Variants in BANP observed in about 807,000 individuals in gnomAD.
The protein encoded by BANP is protein BANP.
A neutral mutation model predicts 68.1 loss-of-function variants in BANP; 11 were observed. That is an observed-to-expected ratio of 0.16 (90% CI 0.10 to 0.27). BANP has a LOEUF of 0.27. Ranked by LOEUF, BANP falls within the 10% of genes least tolerant of loss-of-function variation. The pLI, the probability that BANP is intolerant of heterozygous loss-of-function variation, is 1.00. For synonymous variants in BANP, 329 were observed against 303.2 expected, an observed-to-expected ratio of 1.09 and a Z score of -0.88; for missense variants, 504 against 722.7, an observed-to-expected ratio of 0.70 and a Z score of 3.47.
At chr16:88,008,014 CA>C (rs1452980743) in intron 6 of BANP, among the ~76,000 whole-genome samples, 2 of 152,176 alleles carry the variant, frequency 1.3e-5, no homozygotes, top group Non-Finnish European at 2.9e-5. Context: ...GCCCTGTGCC[CA>C]TCAACAGTCA....
chr16:88,059,535 C>T (rs531694380), intron 11 of BANP, among the ~76,000 whole-genome samples: 22 of 152,216 alleles, frequency 1.4e-4, no homozygotes, highest in Admixed American at 3.9e-4. Context: ...TTAAGGGACA[C>T]GGTTCAGGCC....
rs747053177 is a variant in BANP, at chr16:88,036,411, G to A, written c.1272+1017G>A. Among the ~76,000 whole-genome samples the A allele has an allele frequency of 2.6e-5, 4 of 152,160 alleles. No individual in the cohort carries two copies. The highest frequency in any genetic ancestry group is 4.4e-5 in the Non-Finnish European group (3 of 68,032). On this transcript the variant is annotated intron_variant, in intron 10 of 13. Transcript: ENST00000682872. The surrounding 1 kb of genome is among the most constrained non-coding windows in gnomAD (Gnocchi z 4.2). Reference sequence around the variant, plus strand: ...GGTGCAGGTGCTGTGGGGGAGCAGAGGAGAGAGAAGCCCTGCCATCGGGGA... The same window carrying A: ...GGTGCAGGTGCTGTGGGGGAGCAGAAGAGAGAGAAGCCCTGCCATCGGGGA...
Position 88,071,277 on chromosome 16 carries a change from T to A in BANP, c.1378-792T>A. ...ACCCCGTGGCTCATGTCAAGTGCCCTCAGGGCTGGGGCTGCCCACCCGCCT... is the reference window on the plus strand; with the variant it reads ...ACCCCGTGGCTCATGTCAAGTGCCCACAGGGCTGGGGCTGCCCACCCGCCT... On this transcript the variant is annotated intron_variant, in intron 12 of 13. Transcript: ENST00000682872. The surrounding 1 kb of genome is among the most constrained non-coding windows in gnomAD (Gnocchi z 6.5). The A allele has an allele frequency of 2.8e-6, 1 of 361,516 alleles. No homozygotes were observed. Among genetic ancestry groups the A allele is most frequent in the East Asian group, 7.3e-5 (1 of 13,620 alleles). The allele number at this position is 361,516 out of a possible 1,614,324, so 22.4% of individuals were successfully genotyped here.
At chr16:88,044,706 G>A (rs1292084484) in intron 11 of BANP, among the ~76,000 whole-genome samples, 1 of 152,226 alleles carries the variant, frequency 6.6e-6, no homozygotes, top group Non-Finnish European at 1.5e-5. Context: ...TATATAGGCT[G>A]GGCACGGTGG....
chr16:87,991,193 A>T (rs973750213), intron 4 of BANP, among the ~76,000 whole-genome samples: 4 of 152,240 alleles, frequency 2.6e-5, no homozygotes, highest in African/African-American at 9.6e-5. Context: ...TACAGTTTAC[A>T]TACCTACAAC....
chr16:88,063,168 C>T (rs150993647), intron 11 of BANP, among the ~76,000 whole-genome samples: 140 of 152,356 alleles, frequency 9.2e-4, no homozygotes, highest in African/African-American at 3.0e-3. Flanking sequence ...TCTCAGAGCA[C>T]GCTGTGCCTT....
rs889568896 is a variant in BANP, at chr16:87,957,044, C to G, written c.-69+5529C>G. ...GGTGTGCCGAGATACTGTGAAGTCACATGAACTTGATTCCTGTTGGAAAGA... is the reference window on the plus strand; with the variant it reads ...GGTGTGCCGAGATACTGTGAAGTCAGATGAACTTGATTCCTGTTGGAAAGA... On this transcript the variant is annotated intron_variant, in intron 1 of 13. Coordinates refer to ENST00000682872, the MANE Select transcript of BANP (RefSeq NM_001386991.1). This position sits in a 1 kb window ranked among gnomAD's most constrained non-coding sequence, Gnocchi z 4.3. 1 of 152,166 alleles carries G rather than the reference C, an allele frequency of 6.6e-6. No individual in the cohort carries two copies. The highest frequency in any genetic ancestry group is 6.5e-5 in the Admixed American group (1 of 15,282). The allele number at this position is 152,166 out of a possible 1,614,324, so 9.4% of individuals were successfully genotyped here.
chr16:88,064,634 C>T lies in BANP; in HGVS notation c.1312-633C>T, dbSNP rs1185835884. Among the ~76,000 whole-genome samples, 2 of 152,244 alleles carry T rather than the reference C, an allele frequency of 1.3e-5. No individual in the cohort carries two copies. The highest frequency in any genetic ancestry group is 3.9e-4 in the East Asian group (2 of 5,178). ...ACTCCCCGAGGAGGCCTGGGGACCC[C>T]TCCTGGACATGCCTTCCTCCCTTAA... On this transcript the variant is annotated intron_variant, in intron 11 of 13. Transcript: ENST00000682872. The surrounding 1 kb of genome is among the most constrained non-coding windows in gnomAD (Gnocchi z 4.5).
Position 87,955,107 on chromosome 16 carries a change from G to A in BANP, c.-69+3592G>A, listed in dbSNP as rs962947621. On this transcript the variant is annotated intron_variant, in intron 1 of 13. Coordinates refer to ENST00000682872, the MANE Select transcript of BANP (RefSeq NM_001386991.1). ...CTCGCTGGGTCAGTGTGCCAAGCGG[G>A]CCGTCTGCCCTGCTGGGGTCCAGGA... is the stretch of plus-strand genomic sequence containing the variant. Among the ~76,000 whole-genome samples, 2 of 152,202 alleles carry A rather than the reference G, an allele frequency of 1.3e-5. 1 individual carries two copies. The highest frequency in any genetic ancestry group is 1.3e-4 in the Admixed American group (2 of 15,280).
At position 88,033,221 on chromosome 16, in the gene BANP, C is replaced by A. The variant is rs762967618; in HGVS notation, c.1176C>A (p.Ile392=). 4 of 1,606,298 alleles carry A rather than the reference C, an allele frequency of 2.5e-6. No individual in the cohort carries two copies. The highest frequency in any genetic ancestry group is 2.6e-6 in the Non-Finnish European group (3 of 1,174,380). Residue 392 remains isoleucine, a synonymous_variant, in exon 9 of 14, where the codon ATC becomes ATA. Transcript: ENST00000682872. The part of the protein sequence containing the change: ...ANAQQVQIHQ[I]GEDGQVQVIP... ...CACAGCAGGTGCAGATCCACCAGAT[C>A]GGAGAAGACGGACAGGTGCAAGTAG...
At chr16:87,969,935 T>C (rs1315884617) in intron 1 of BANP, 1 of 141,112 alleles carries the variant, frequency 7.1e-6, no homozygotes, top group Non-Finnish European at 1.5e-5. Context: ...TTTGACAGAG[T>C]CTTGCTCTGT....
intron 11 of BANP, among the ~76,000 whole-genome samples, chr16:88,060,001 G>C (rs1436718533): frequency 6.6e-6 from 1 of 152,268 alleles, no homozygotes; most frequent in Non-Finnish European, 1.5e-5. Flanking sequence ...AGTGTGTGGT[G>C]AGACTGGCTT....
chr16:88,071,858 G>T lies in BANP; in HGVS notation c.1378-211G>T, dbSNP rs184945998. The T allele has an allele frequency of 1.4e-6, 1 of 718,676 alleles. No individual in the cohort carries two copies. The highest frequency in any genetic ancestry group is 2.5e-6 in the Non-Finnish European group (1 of 401,724). The allele number at this position is 718,676 out of a possible 1,614,324, so 44.5% of individuals were successfully genotyped here. On this transcript the variant is annotated intron_variant, in intron 12 of 13. Transcript: ENST00000682872. This position sits in a 1 kb window ranked among gnomAD's most constrained non-coding sequence, Gnocchi z 6.5. ...GGAGTTGCAGATCCAGCAGAGACTC[G>T]ATGGCACTCTCTCACTGGATCTGAT...
At chr16:87,956,577 C>T (rs894228088) in intron 1 of BANP, 3 of 152,260 alleles carry the variant, frequency 2.0e-5, no homozygotes, top group Admixed American at 6.5e-5. Context: ...CTCAGCTGCA[C>T]CTGGGGCCCT....
intron 1 of BANP, among the ~76,000 whole-genome samples, chr16:87,968,184 T>C (rs2060438056): frequency 1.3e-5 from 2 of 151,982 alleles, no homozygotes; most frequent in Non-Finnish European, 2.9e-5. Flanking sequence ...ACTACTGGTT[T>C]CATTAGGAAA....
chr16:88,006,006 T>G, intron 5 of BANP, 84 bp from the exon 6 acceptor site: 1 of 1,552,748 alleles, frequency 6.4e-7, no homozygotes. Flanking sequence ...CAGAGTTAGA[T>G]TTTGCGATAA....
intron 11 of BANP, among the ~76,000 whole-genome samples, chr16:88,062,983 G>A (rs139459998): frequency 5.3e-5 from 8 of 152,308 alleles, no homozygotes; most frequent in African/African-American, 1.7e-4. Flanking sequence ...GCTGCTTCAC[G>A]TTTAAGATCT....
chr16:87,952,521 T>C (rs1395271635), intron 1 of BANP: 1 of 152,168 alleles, frequency 6.6e-6, no homozygotes, highest in African/African-American at 2.4e-5. Context: ...GAGGAGGCAG[T>C]TGTAGGGTTC....
chr16:87,964,751 G>T (rs1259390987), intron 1 of BANP, among the ~76,000 whole-genome samples: 1 of 152,212 alleles, frequency 6.6e-6, no homozygotes, highest in Non-Finnish European at 1.5e-5. Context: ...GTCCAGGTTG[G>T]GAGTGACAGG....
Sources: allele counts gnomAD v4.1 joint callset (sites outside exome capture counted in the v4.1 genomes callset), GRCh38; gene constraint gnomAD v4.1.1; non-coding constraint Gnocchi (gnomAD v3.1); transcripts MANE v1.5; gene names NCBI Gene and HGNC (gene_info 2026-07-23, HGNC 2026-07-21).